NLGN4X: variants seen among roughly 807,000 people sequenced by gnomAD.
The protein encoded by NLGN4X is neuroligin 4 X-linked.
NLGN4X carries 3 observed loss-of-function variants against 40.3 expected under a neutral mutation model. The observed-to-expected ratio is 0.07, with a 90% CI of 0.03 to 0.19. The LOEUF (loss-of-function observed/expected upper bound fraction) is 0.19. NLGN4X is among the 10% of genes least tolerant of loss of function. The pLI, the probability that NLGN4X is intolerant of heterozygous loss-of-function variation, is 1.00. For synonymous variants in NLGN4X, 270 were observed against 306.8 expected, an observed-to-expected ratio of 0.88 and a Z score of 1.25; for missense variants, 382 against 708.3, an observed-to-expected ratio of 0.54 and a Z score of 5.23.
chrX:6,187,084 C>A lies in NLGN4X; in HGVS notation c.-305-35313G>T, dbSNP rs1569288899. The A allele has an allele frequency of 3.7e-5, 4 of 107,669 alleles. No homozygotes were observed. The Admixed American group carries it at 4.0e-4, about 11-fold the overall frequency. 8.9% of individuals were successfully genotyped at this position (107,669 alleles called of 1,213,427 possible). ...CCGAGTAGCTGGGACTACAGGCGCC[C>A]GCCACCGCGCCCGGCTAATTTTTTT... On this transcript the variant is annotated intron_variant, in intron 1 of 5. Transcript: ENST00000381095.
In NLGN4X at chrX:5,964,584, G is replaced by A. The variant is rs759653666; in HGVS notation, c.626-55345C>T. Among the ~76,000 whole-genome samples, 7 of 111,540 alleles carry A rather than the reference G, an allele frequency of 6.3e-5. No homozygotes were observed. The East Asian group carries it at 8.5e-4, about 14-fold the overall frequency. On this transcript the variant is annotated intron_variant, in intron 3 of 5. Transcript: ENST00000381095. ...TGCAGTGGCATGATCATAGCTCAGCGTATCTTTGAACTCCTGGACTCCAGC... is the reference window on the plus strand; with the variant it reads ...TGCAGTGGCATGATCATAGCTCAGCATATCTTTGAACTCCTGGACTCCAGC...
chrX:6,187,100 T>C (rs2147819511), intron 1 of NLGN4X: 2 of 104,697 alleles, frequency 1.9e-5, no homozygotes, highest in East Asian at 6.5e-4. Flanking sequence ...CGCGCCCGGC[T>C]AATTTTTTTG....
chrX:6,171,911 G>A (rs1405912844), intron 1 of NLGN4X, among the ~76,000 whole-genome samples: 1 of 110,968 alleles, frequency 9.0e-6, no homozygotes, highest in East Asian at 2.8e-4. Context: ...CCTTGGTACT[G>A]TATAGTGAGT....
At chrX:6,016,120 T>A (rs945739848) in intron 3 of NLGN4X, among the ~76,000 whole-genome samples, 3 of 112,483 alleles carry the variant, frequency 2.7e-5, no homozygotes, top group African/African-American at 9.7e-5. Flanking sequence ...TTTACACACA[T>A]GTCCAATAAG....
At chrX:5,922,699 C>T (rs566147001) in intron 3 of NLGN4X, among the ~76,000 whole-genome samples, 72 of 109,883 alleles carry the variant, frequency 6.6e-4, no homozygotes, top group African/African-American at 2.2e-3. Context: ...CTCGTCTCTA[C>T]TAAAAATACA....
Position 6,116,819 on chromosome X carries a change from CAAGTGCCAAGAAGTGCTTTT to C in NLGN4X, c.472+34156_472+34175del, listed in dbSNP as rs1025408154. Among the ~76,000 whole-genome samples, 4 of 110,931 alleles carry C rather than the reference CAAGTGCCAAGAAGTGCTTTT, an allele frequency of 3.6e-5. No individual in the cohort carries two copies. In the Admixed American group the frequency reaches 3.8e-4, roughly 11 times the overall value. The stretch of plus-strand genomic sequence containing the variant: ...TGCTGGGATTACAGGCAAGTAATCC[CAAGTGCCAAGAAGTGCTTTT>C]AAGTGCCAAGAAGCTTTCCAGTTTT... On this transcript the variant is annotated intron_variant, in intron 2 of 5. Transcript: ENST00000381095.
At chrX:6,027,852 G>A (rs895159241) in intron 3 of NLGN4X, among the ~76,000 whole-genome samples, 3 of 104,074 alleles carry the variant, frequency 2.9e-5, no homozygotes, top group Non-Finnish European at 5.9e-5. Flanking sequence ...AGTCTCACTC[G>A]GTCACCCAGG....
In NLGN4X at chrX:5,893,200, T is replaced by A; in HGVS notation, c.2068A>T (p.Ile690Phe). The A allele has an allele frequency of 8.3e-7, 1 of 1,211,165 alleles. No homozygotes were observed. The highest frequency in any genetic ancestry group is 1.1e-6 in the Non-Finnish European group (1 of 895,293). Residue 690 changes from isoleucine to phenylalanine, a missense_variant, in exon 6 of 6, where the codon ATC becomes TTC. By Grantham distance (21) the Ile-to-Phe change is conservative. This residue lies in a region of NLGN4X where 149 missense variants were observed against 375.8 expected (regional missense o/e 0.40). Coordinates refer to ENST00000381095, the MANE Select transcript of NLGN4X (RefSeq NM_181332.3). The stretch of plus-strand genomic sequence containing the variant: ...TAGTACAGCGCCGCAAAAGCTAAGA[T>A]GTTGAGGAAGAGGAGCGACGCCCCG... The part of the protein sequence containing the change: ...AVGASLLFLN[I>F]LAFAALYYKK...
At chrX:6,221,435 T>C (rs971155255) in intron 1 of NLGN4X, among the ~76,000 whole-genome samples, 22 of 74,480 alleles carry the variant, frequency 3.0e-4, no homozygotes, top group Non-Finnish European at 5.4e-4. Context: ...ATATATTTGC[T>C]TTTATCTAAT....
At chrX:5,954,539 A>G (rs1026078214) in intron 3 of NLGN4X, among the ~76,000 whole-genome samples, 8 of 107,564 alleles carry the variant, frequency 7.4e-5, no homozygotes, top group Non-Finnish European at 1.5e-4. Context: ...CCAGCCTCAT[A>G]CATTGACACT....
At chrX:6,020,058 G>A (rs2036492926) in intron 3 of NLGN4X, among the ~76,000 whole-genome samples, 1 of 111,571 alleles carries the variant, frequency 9.0e-6, no homozygotes, top group Non-Finnish European at 1.9e-5. Context: ...AATAGATCAA[G>A]GAGAGTCTCC....
chrX:6,036,608 G>GCACACA (rs202140186), intron 2 of NLGN4X, among the ~76,000 whole-genome samples: 768 of 75,633 alleles, frequency 0.01, 8 homozygotes, highest in African/African-American at 0.031. Flanking sequence ...CTTGTGGCTG[G>GCACACA]CGCACACACA....
intron 2 of NLGN4X, among the ~76,000 whole-genome samples, chrX:6,111,990 T>C (rs1481318031): frequency 8.9e-6 from 1 of 111,950 alleles, no homozygotes; most frequent in Non-Finnish European, 1.9e-5. Context: ...AACAAATACA[T>C]TCATAACCTG....
chrX:6,107,590 G>A (rs746391485), intron 2 of NLGN4X, among the ~76,000 whole-genome samples: 1 of 111,400 alleles, frequency 9.0e-6, no homozygotes, highest in East Asian at 2.8e-4. Flanking sequence ...GCATGTGCAG[G>A]TTTCTTACAT....
intron 1 of NLGN4X, among the ~76,000 whole-genome samples, chrX:6,182,678 T>C (rs942439835): frequency 1.8e-5 from 2 of 111,124 alleles, no homozygotes; most frequent in Non-Finnish European, 3.8e-5. Context: ...CAAGGGCCCT[T>C]ACAAGAGGGA....
intron 3 of NLGN4X, among the ~76,000 whole-genome samples, chrX:5,964,332 C>G (rs188726124): frequency 9.0e-6 from 1 of 111,295 alleles, no homozygotes; most frequent in Non-Finnish European, 1.9e-5. Context: ...AGTAAATATA[C>G]TATGTGAATA....
intron 2 of NLGN4X, among the ~76,000 whole-genome samples, chrX:6,037,511 T>C (rs141450364): frequency 0.043 from 4,700 of 110,492 alleles, 204 homozygotes; most frequent in African/African-American, 0.13. Flanking sequence ...AGAAAGTCAA[T>C]AGATACAAAT....
At chrX:6,008,746 AAC>A (rs1334067013) in intron 3 of NLGN4X, among the ~76,000 whole-genome samples, 1 of 111,815 alleles carries the variant, frequency 8.9e-6, no homozygotes, top group Non-Finnish European at 1.9e-5. Flanking sequence ...TGGCCTTAAG[AAC>A]AGTCACATTA....
intron 4 of NLGN4X, among the ~76,000 whole-genome samples, chrX:5,905,601 A>G: frequency 1.8e-5 from 2 of 112,475 alleles, no homozygotes; most frequent in Non-Finnish European, 3.7e-5. Context: ...CATCTTCATA[A>G]AACTATCACT....
Sources: gnomAD v4.1 joint callset for allele counts (sites outside exome capture counted in the v4.1 genomes callset) on GRCh38, gnomAD v4.1.1 for gene constraint, gnomAD v4.1.1 regional missense constraint, MANE v1.5 for transcripts, NCBI Gene and HGNC (gene_info 2026-07-23, HGNC 2026-07-21) for gene names.